Variants in CCAR1 observed in about 807,000 individuals in gnomAD.
CCAR1 encodes cell division cycle and apoptosis regulator protein 1.
A neutral mutation model predicts 163.8 loss-of-function variants in CCAR1; 78 were observed. That is an observed-to-expected ratio of 0.48 (90% CI 0.40 to 0.57). CCAR1 has a LOEUF of 0.57. Among genes scored for constraint, CCAR1 ranks in the 20% least tolerant of loss-of-function variants. CCAR1 has a pLI of 0.00. For missense variants in CCAR1, 1,019 were observed against 1,365.2 expected (o/e 0.75, Z 4.00); for synonymous variants, 443 against 460.7 (o/e 0.96, Z 0.49).
At chr10:68,771,477 C>G in intron 18 of CCAR1, 32 bp downstream of exon 18, 1 of 1,525,958 alleles carries the variant, frequency 6.6e-7, no homozygotes, top group Non-Finnish European at 8.9e-7. Flanking sequence ...TAGAAGCTTT[C>G]AGTTACTCTT....
At chr10:68,763,102 C>T (rs2056493566) in intron 16 of CCAR1, among the ~76,000 whole-genome samples, 1 of 104,264 alleles carries the variant, frequency 9.6e-6, no homozygotes, top group South Asian at 3.3e-4. Flanking sequence ...GATGCATGGA[C>T]TTGTGATTTC....
At chr10:68,781,061 G>A (rs1185933743) in intron 19 of CCAR1, among the ~76,000 whole-genome samples, 1 of 151,920 alleles carries the variant, frequency 6.6e-6, no homozygotes, top group African/African-American at 2.4e-5. Flanking sequence ...GCGAAACCCT[G>A]TCTCTACTAA....
At position 68,754,789 on chromosome 10, in the gene CCAR1, C is replaced by T. The variant is rs140565825; in HGVS notation, c.1420C>T (p.Leu474Phe). The change falls in exon 12 of 25, where the codon CTT becomes TTT. Residue 474 changes from leucine (L) to phenylalanine (F), a missense_variant. Leu to Phe is a conservative substitution (Grantham distance 22). Coordinates refer to ENST00000265872, the MANE Select transcript of CCAR1 (RefSeq NM_018237.4). ...SCALAEDPQELRDGFQHPARL... is the reference protein window; with the variant it reads ...SCALAEDPQEFRDGFQHPARL... ...TGCTCTTGCTGAGGACCCACAAGAACTTCGAGATGGATTCCAACATCCTGC... is the reference window on the plus strand; with the variant it reads ...TGCTCTTGCTGAGGACCCACAAGAATTTCGAGATGGATTCCAACATCCTGC... 8 of 1,609,850 alleles carry T rather than the reference C, an allele frequency of 5.0e-6. No individual in the cohort carries two copies. In the African/African-American group the frequency reaches 9.4e-5, roughly 19 times the overall value.
At chr10:68,762,200 GC>G (rs1485839906) in intron 16 of CCAR1, among the ~76,000 whole-genome samples, 1 of 151,916 alleles carries the variant, frequency 6.6e-6, no homozygotes, top group Non-Finnish European at 1.5e-5. Flanking sequence ...GTGGTTGCAG[GC>G]GCCTGTAGTC....
chr10:68,737,013 C>A lies in CCAR1; in HGVS notation c.211C>A (p.Gln71Lys), dbSNP rs761426078. Reference protein sequence around the residue: ...YQLTQTAALQQQAAAAAAALQ... With the variant: ...YQLTQTAALQKQAAAAAAALQ... ...GTTAACACAAACTGCTGCATTGCAG[C>A]AACAAGCCGCAGCTGCAGCAGCTGC... The change falls in exon 3 of 25, where the codon CAA becomes AAA. Residue 71 changes from glutamine (Q) to lysine (K), a missense_variant. Gln to Lys is a moderately conservative substitution (Grantham distance 53). Transcript: ENST00000265872. The A allele has an allele frequency of 4.4e-6, 7 of 1,606,748 alleles. No homozygotes were observed. In the Admixed American group the frequency reaches 6.9e-5, roughly 16 times the overall value.
intron 5 of CCAR1, among the ~76,000 whole-genome samples, chr10:68,741,608 G>A (rs778403507): frequency 1.3e-5 from 2 of 152,180 alleles, no homozygotes; most frequent in African/African-American, 2.4e-5. Context: ...TTTGTATACT[G>A]ATATGGAATG....
At chr10:68,789,959 C>G in intron 24 of CCAR1, 44 bp downstream of exon 24, 1 of 1,237,260 alleles carries the variant, frequency 8.1e-7, no homozygotes, top group Non-Finnish European at 1.1e-6. Flanking sequence ...TTTTAAAAAT[C>G]TAACTCTGGT....
rs75910022 is a variant in CCAR1 at position 68,740,047 on chromosome 10, A to G, written c.292-582A>G. Among the ~76,000 whole-genome samples the G allele has an allele frequency of 2.3e-3, 343 of 152,318 alleles. 3 individuals carry two copies. The highest frequency in any genetic ancestry group is 8.1e-3 in the African/African-American group (337 of 41,580). On this transcript the variant is annotated intron_variant, in intron 4 of 24. Transcript: ENST00000265872. Reference sequence around the variant, plus strand: ...TCTCTGTGCCTATGGTAAATTGTCCATCAACAGTGCTTCTCATTTTATTTA... The same window carrying G: ...TCTCTGTGCCTATGGTAAATTGTCCGTCAACAGTGCTTCTCATTTTATTTA...
At chr10:68,764,671 A>T (rs761962989) in intron 16 of CCAR1, among the ~76,000 whole-genome samples, 2 of 152,218 alleles carry the variant, frequency 1.3e-5, no homozygotes, top group Admixed American at 6.6e-5. Flanking sequence ...GGCCACTTCT[A>T]TTAGAGAAGC....
intron 19 of CCAR1, among the ~76,000 whole-genome samples, chr10:68,777,053 G>T (rs2056675372): frequency 6.6e-6 from 1 of 152,076 alleles, no homozygotes; most frequent in African/African-American, 2.4e-5. Flanking sequence ...CTTTCCAGTT[G>T]TTGAGACTAA....
chr10:68,776,944 T>A (rs1259903516), intron 19 of CCAR1, among the ~76,000 whole-genome samples: 1 of 152,190 alleles, frequency 6.6e-6, no homozygotes, highest in Non-Finnish European at 1.5e-5. Context: ...TCAGTATATC[T>A]GAAACTAAAT....
At chr10:68,764,910 ACT>A (rs1269457695) in intron 16 of CCAR1, among the ~76,000 whole-genome samples, 33 of 151,922 alleles carry the variant, frequency 2.2e-4, no homozygotes, top group Non-Finnish European at 1.2e-4. Flanking sequence ...GCTGCTTCTC[ACT>A]CTCTTTTTTA....
chr10:68,757,605 A>G (rs1277915737), intron 15 of CCAR1, among the ~76,000 whole-genome samples: 1 of 151,322 alleles, frequency 6.6e-6, no homozygotes, highest in Non-Finnish European at 1.5e-5. Flanking sequence ...TAGTAGAGAC[A>G]AGGTTTCAGA....
intron 2 of CCAR1, among the ~76,000 whole-genome samples, chr10:68,725,924 T>G (rs1024776018): frequency 6.6e-6 from 1 of 151,902 alleles, no homozygotes; most frequent in Admixed American, 6.6e-5. Context: ...AAGACCAGCC[T>G]GGGCAATATA....
At chr10:68,735,570 C>G (rs2056098392) in intron 2 of CCAR1, 1 of 151,932 alleles carries the variant, frequency 6.6e-6, no homozygotes, top group South Asian at 2.1e-4. Context: ...ATGTGTGGCT[C>G]ATTTTTTTAA....
At chr10:68,722,680 T>C in intron 2 of CCAR1, 103 bp downstream of exon 2, 1 of 845,782 alleles carries the variant, frequency 1.2e-6, no homozygotes, top group Non-Finnish European at 1.9e-6. Context: ...ATCCTAGCAC[T>C]TTGGGAAGCG....
At chr10:68,773,948 A>G (rs912206506) in intron 19 of CCAR1, among the ~76,000 whole-genome samples, 4 of 151,274 alleles carry the variant, frequency 2.6e-5, no homozygotes, top group Non-Finnish European at 5.9e-5. Flanking sequence ...GCTGGAGTGC[A>G]ATGGCATTAT....
At chr10:68,736,649 C>T (rs1383112797) in intron 2 of CCAR1, among the ~76,000 whole-genome samples, 2 of 151,968 alleles carry the variant, frequency 1.3e-5, no homozygotes, top group African/African-American at 2.4e-5. Context: ...TGCAAATTAC[C>T]GGATATTCTT....
At chr10:68,743,775 GA>G (rs1412649678) in intron 6 of CCAR1, among the ~76,000 whole-genome samples, 35 of 128,512 alleles carry the variant, frequency 2.7e-4, no homozygotes, top group African/African-American at 1.5e-3. Context: ...CTTTGAGACA[GA>G]GTCTCGCTCT....
Sources: allele counts gnomAD v4.1 joint callset (sites outside exome capture counted in the v4.1 genomes callset), GRCh38; gene constraint gnomAD v4.1.1; transcripts MANE v1.5; gene names NCBI Gene and HGNC (gene_info 2026-07-23, HGNC 2026-07-21).